AK6: variants seen among roughly 807,000 people sequenced by gnomAD.
AK6 encodes adenylate kinase isoenzyme 6.
Under a neutral mutation model 23.7 loss-of-function variants are expected in AK6, and 24 were observed. The observed-to-expected ratio is 1.01, with a 90% confidence interval of 0.73 to 1.43. AK6 has a LOEUF of 1.43. AK6 is among the 40% of genes most tolerant of loss of function. The pLI, the probability that AK6 is intolerant of heterozygous loss-of-function variation, is 0.00. For missense variants in AK6, 191 were observed against 199.1 expected (o/e 0.96, Z 0.24); for synonymous variants, 73 against 69.8 (o/e 1.05, Z -0.23).
chr5:69,352,943 G>A (rs9291949), intron 4 of AK6, among the ~76,000 whole-genome samples: 69,483 of 152,058 alleles, frequency 0.46, 16,148 homozygotes, highest in Admixed American at 0.51. Context: ...AAAAACATGT[G>A]CAAGAATGTT....
chr5:69,369,524 C>T (rs4252218), upstream of AK6: 371 of 1,611,356 alleles, frequency 2.3e-4, 1 homozygote, highest in African/African-American at 4.5e-3. Flanking sequence ...GCGCCTCGCT[C>T]ACGTGCCCTT....
Position 69,365,333 on chromosome 5 carries a change from C to T in AK6, c.121+1170G>A, listed in dbSNP as rs765695033. On this transcript the variant is annotated intron_variant, in intron 2 of 4. Transcript: ENST00000380822. ...TTATTCTTCCCGCAGAAGTTGATGCCTTTTTCTGTAAAGATTTCAGCCTAT... is the reference window on the plus strand; with the variant it reads ...TTATTCTTCCCGCAGAAGTTGATGCTTTTTTCTGTAAAGATTTCAGCCTAT... 7 of 1,614,076 alleles carry T rather than the reference C, an allele frequency of 4.3e-6. No homozygotes were observed. In the Admixed American group the frequency reaches 1.2e-4, roughly 27 times the overall value.
chr5:69,369,397 G>A (rs1762744495), intron 1 of AK6, 66 bp downstream of exon 1: 21 of 1,569,042 alleles, frequency 1.3e-5, no homozygotes, highest in African/African-American at 4.2e-5. Flanking sequence ...CTGGGCGCCC[G>A]ATGCCCAGAG....
intron 2 of AK6, chr5:69,364,779 A>C: frequency 1.4e-6 from 1 of 720,216 alleles, no homozygotes; most frequent in Non-Finnish European, 2.3e-6. Flanking sequence ...TTACACTTTT[A>C]AGGCTGATGA....
At chr5:69,366,410 T>G in intron 2 of AK6, 93 bp downstream of exon 2, 3 of 960,582 alleles carry the variant, frequency 3.1e-6, no homozygotes, top group Middle Eastern at 3.3e-4. Flanking sequence ...AATCTCTGTT[T>G]TTTGTACCCT....
chr5:69,356,985 C>G (rs1011255996), intron 2 of AK6, among the ~76,000 whole-genome samples: 1 of 152,182 alleles, frequency 6.6e-6, no homozygotes, highest in South Asian at 2.1e-4. Flanking sequence ...AGCCCCAGCC[C>G]TTAGGAGGTA....
In AK6 at chr5:69,367,535, G is replaced by A. The variant is rs892949857; in HGVS notation, c.29-940C>T. On this transcript the variant is annotated intron_variant, in intron 1 of 4. Coordinates refer to ENST00000380822, the MANE Select transcript of AK6 (RefSeq NM_016283.5). ...AAAAAAAAAAAAAATTAGCCACCTCGAATCAATTACAATAATTTATTTACC... is the reference window on the plus strand; with the variant it reads ...AAAAAAAAAAAAAATTAGCCACCTCAAATCAATTACAATAATTTATTTACC... Among the ~76,000 whole-genome samples the A allele has an allele frequency of 3.4e-5, 5 of 147,880 alleles. No individual in the cohort carries two copies. In the East Asian group the frequency reaches 7.9e-4, roughly 23 times the overall value.
intron 2 of AK6, among the ~76,000 whole-genome samples, chr5:69,364,216 A>G (rs4252236): frequency 3.3e-5 from 5 of 150,416 alleles, no homozygotes; most frequent in Admixed American, 3.3e-4. Context: ...AATTAAAAAA[A>G]ATATATATAT....
intron 4 of AK6, among the ~76,000 whole-genome samples, chr5:69,354,474 C>T (rs1762030504): frequency 6.6e-6 from 1 of 152,166 alleles, no homozygotes; most frequent in Admixed American, 6.6e-5. Context: ...CTGACCCCGA[C>T]CTTAAGCAAA....
At chr5:69,364,957 A>AGTCATC (rs1554035760) in intron 2 of AK6, 2 of 1,611,020 alleles carry the variant, frequency 1.2e-6, no homozygotes, top group South Asian at 1.1e-5. Context: ...AGATTATCAT[A>AGTCATC]GTCATCATCA....
chr5:69,366,934 T>C (rs559421630), intron 1 of AK6: 171 of 233,910 alleles, frequency 7.3e-4, no homozygotes, highest in African/African-American at 3.6e-3. Context: ...AATTTTTGTA[T>C]TTTCAGTAGA....
chr5:69,353,702 G>GA (rs1431878298), intron 4 of AK6, among the ~76,000 whole-genome samples: 3 of 152,060 alleles, frequency 2.0e-5, no homozygotes, highest in Admixed American at 2.0e-4. Context: ...CATAAAACTA[G>GA]AAAAAAACCT....
chr5:69,365,070 T>C, intron 2 of AK6: 1 of 1,614,156 alleles, frequency 6.2e-7, no homozygotes, highest in Non-Finnish European at 8.5e-7. Flanking sequence ...AATAAGAATG[T>C]TTTTGGACCC....
intron 4 of AK6, among the ~76,000 whole-genome samples, chr5:69,352,671 T>C (rs924349205): frequency 6.6e-6 from 1 of 152,194 alleles, no homozygotes; most frequent in African/African-American, 2.4e-5. Context: ...TCTAGCTGTA[T>C]AGGAAATGCA....
At chr5:69,355,833 A>G (rs200433582) in intron 3 of AK6, 39 bp from the exon 4 acceptor site, 29 of 1,596,448 alleles carry the variant, frequency 1.8e-5, no homozygotes, top group Non-Finnish European at 2.5e-5. Flanking sequence ...TCTTAAGAAA[A>G]CTGAAGTCAA....
Position 69,355,634 on chromosome 5 carries a change from T to C in AK6, c.326+15A>G. The stretch of plus-strand genomic sequence containing the variant: ...AACATTATGCTTTAAGAATCTAATG[T>C]TTTTCCTTTCTTACCTTGTTTCAAG... On this transcript the variant is annotated intron_variant, in intron 4 of 4. Transcript: ENST00000380822. 6.3e-7 allele frequency: 1 copy of C among 1,578,630 alleles called. No individual in the cohort carries two copies. The highest frequency in any genetic ancestry group is 8.6e-7 in the Non-Finnish European group (1 of 1,165,760).
rs1762055015 is a variant in AK6, at chr5:69,355,383, A to G, written c.326+266T>C. 1.1e-5 allele frequency: 4 copies of G among 359,732 alleles called. No individual in the cohort carries two copies. The South Asian group carries it at 2.5e-4, about 22-fold the overall frequency. 22.3% of individuals were successfully genotyped at this position (359,732 alleles called of 1,614,324 possible). On this transcript the variant is annotated intron_variant, in intron 4 of 4. Coordinates refer to ENST00000380822, the MANE Select transcript of AK6 (RefSeq NM_016283.5). ...CCCCATCTCTACAAAAAATAAAAAA[A>G]TTAGCCAGGCAAGGTGGCATGTGCC...
At chr5:69,367,438 A>G (rs1762486464) in intron 1 of AK6, among the ~76,000 whole-genome samples, 1 of 144,136 alleles carries the variant, frequency 6.9e-6, no homozygotes, top group Non-Finnish European at 1.5e-5. Flanking sequence ...TGAACCAGGT[A>G]GTTGTAGGAT....
chr5:69,364,788 G>T, intron 2 of AK6: 1 of 746,596 alleles, frequency 1.3e-6, no homozygotes, highest in Non-Finnish European at 2.2e-6. Flanking sequence ...TAAGGCTGAT[G>T]AAAAACCTTC....
Sources: gnomAD v4.1 joint callset for allele counts (sites outside exome capture counted in the v4.1 genomes callset) on GRCh38, gnomAD v4.1.1 for gene constraint, MANE v1.5 for transcripts, NCBI Gene and HGNC (gene_info 2026-07-23, HGNC 2026-07-21) for gene names.